PPIP5K2: variants seen among roughly 807,000 people sequenced by gnomAD.
PPIP5K2 encodes diphosphoinositol pentakisphosphate kinase 2.
A neutral mutation model predicts 154.6 loss-of-function variants in PPIP5K2; 105 were observed. That is an observed-to-expected ratio of 0.68 (90% CI 0.58 to 0.80). The LOEUF is 0.80. Among genes scored for constraint, PPIP5K2 ranks in the 30% least tolerant of loss-of-function variants. The pLI is 0.00. For missense variants in PPIP5K2, 992 were observed against 1,504.6 expected, an observed-to-expected ratio of 0.66 and a Z score of 5.64; for synonymous variants, 480 against 490.3, an observed-to-expected ratio of 0.98 and a Z score of 0.28.
At chr5:103,167,707 G>T (rs568102705) in intron 18 of PPIP5K2, among the ~76,000 whole-genome samples, 1 of 151,870 alleles carries the variant, frequency 6.6e-6, no homozygotes, top group Admixed American at 6.6e-5. Context: ...GGATCATTTG[G>T]ACTATTTTTA....
chr5:103,129,855 T>TA lies in PPIP5K2; in HGVS notation c.114+155dup, dbSNP rs1273366980. 3.5e-6 allele frequency: 4 copies of TA among 1,128,662 alleles called. No homozygotes were observed. The African/African-American group carries it at 6.4e-5, about 18-fold the overall frequency. 69.9% of individuals were successfully genotyped at this position (1,128,662 alleles called of 1,614,324 possible). On this transcript the variant is annotated intron_variant, in intron 2 of 30. Coordinates refer to ENST00000358359, the MANE Select transcript of PPIP5K2 (RefSeq NM_001276277.3). ...TGTTGTTGAATCTATGATGAATCAATAAATACAGTTATGGGTCAAACCTTT... is the reference window on the plus strand; with the variant it reads ...TGTTGTTGAATCTATGATGAATCAATAAAATACAGTTATGGGTCAAACCTTT...
chr5:103,136,665 C>A (rs1384312019), intron 3 of PPIP5K2, 67 bp from the exon 4 acceptor site: 17 of 1,262,068 alleles, frequency 1.3e-5, no homozygotes, highest in Non-Finnish European at 1.7e-5. Context: ...GGCATCAATT[C>A]AAGTTAATAA....
At chr5:103,185,513 A>G (rs1800218492) in intron 26 of PPIP5K2, among the ~76,000 whole-genome samples, 1 of 152,078 alleles carries the variant, frequency 6.6e-6, no homozygotes, top group Admixed American at 6.6e-5. Context: ...GATAGTTTTT[A>G]ATATTCCTAC....
rs1580209311 is a variant in PPIP5K2 at position 103,154,542 on chromosome 5, C to T, written c.1218-128C>T. The T allele has an allele frequency of 1.6e-5, 9 of 580,604 alleles. No individual in the cohort carries two copies. The East Asian group carries it at 2.7e-4, about 17-fold the overall frequency. The allele number at this position is 580,604 out of a possible 1,614,324, so 36.0% of individuals were successfully genotyped here. A position where few individuals can be genotyped will look rare whatever the true frequency, so the allele number is the denominator to read the frequency against. ...AACATGTACAGTGAAAGAGGAAACACAGTACTTGAAATCCTTAGATCCCAA... is the reference window on the plus strand; with the variant it reads ...AACATGTACAGTGAAAGAGGAAACATAGTACTTGAAATCCTTAGATCCCAA... On this transcript the variant is annotated intron_variant, in intron 11 of 30. Transcript: ENST00000358359.
At chr5:103,157,504 C>T (rs1048427669) in intron 14 of PPIP5K2, among the ~76,000 whole-genome samples, 9 of 151,974 alleles carry the variant, frequency 5.9e-5, no homozygotes, top group Admixed American at 1.3e-4. Context: ...TCTGGCCGGG[C>T]GCAGTGGCTC....
chr5:103,125,204 C>T (rs1789443993), intron 1 of PPIP5K2, among the ~76,000 whole-genome samples: 1 of 152,222 alleles, frequency 6.6e-6, no homozygotes, highest in Non-Finnish European at 1.5e-5. Context: ...ATTACCCGAA[C>T]TCTACTCTCA....
Position 103,136,268 on chromosome 5 carries a change from T to G in PPIP5K2, c.311-464T>G, listed in dbSNP as rs76928002. Reference sequence around the variant, plus strand: ...GATTATAGGCGTGTGCCCCCATGCCTGGCCCACTGTTTTTAAAGGCACATA... The same window carrying G: ...GATTATAGGCGTGTGCCCCCATGCCGGGCCCACTGTTTTTAAAGGCACATA... On this transcript the variant is annotated intron_variant, in intron 3 of 30. Coordinates refer to ENST00000358359, the MANE Select transcript of PPIP5K2 (RefSeq NM_001276277.3). 6.8e-3 allele frequency among the ~76,000 whole-genome samples: 1,037 copies of G among 152,312 alleles called. 7 individuals are homozygous for G. The highest frequency in any genetic ancestry group is 0.013 in the Non-Finnish European group (864 of 68,028).
intron 10 of PPIP5K2, among the ~76,000 whole-genome samples, chr5:103,153,269 G>A (rs1554211921): frequency 6.6e-6 from 1 of 151,672 alleles, no homozygotes; most frequent in African/African-American, 2.4e-5. Flanking sequence ...ACACGCAAGT[G>A]TTAAATAAAA....
intron 17 of PPIP5K2, among the ~76,000 whole-genome samples, chr5:103,166,955 G>A (rs1797222609): frequency 6.6e-6 from 1 of 151,826 alleles, no homozygotes; most frequent in Admixed American, 6.6e-5. Flanking sequence ...GGGGAGGCAG[G>A]AGAAACAGTA....
In PPIP5K2 at chr5:103,141,359, G is replaced by A. The variant is rs573790801; in HGVS notation, c.487+2890G>A. ...CAGGAGTGAAGCTGCAGACCTTCGC[G>A]GTGAGTGTTACAGCTCTTAAGGTAG... On this transcript the variant is annotated intron_variant, in intron 5 of 30. Transcript: ENST00000358359. Among the ~76,000 whole-genome samples, 7 of 152,196 alleles carry A rather than the reference G, an allele frequency of 4.6e-5. No homozygotes were observed. The East Asian group carries it at 1.2e-3, about 25-fold the overall frequency.
In PPIP5K2 at chr5:103,190,965, G is replaced by A. The variant is rs376054039; in HGVS notation, c.3476G>A (p.Arg1159Gln). The part of the protein sequence containing the change: ...SIASPSSDVP[R>Q]KTAEISSTAL... ...GCTTCTCCATCATCTGACGTTCCACGGAAGACCGCTGAAATTTGTAGGAAA... is the reference window on the plus strand; with the variant it reads ...GCTTCTCCATCATCTGACGTTCCACAGAAGACCGCTGAAATTTGTAGGAAA... The change falls in exon 29 of 31, where the codon CGG becomes CAG. Residue 1159 changes from arginine to glutamine, a missense_variant. Arg to Gln is a conservative substitution (Grantham distance 43). This residue lies in a region of PPIP5K2 where 131 missense variants were observed against 117.8 expected (regional missense o/e 1.11). Transcript: ENST00000358359. 44 of 1,604,304 alleles carry A rather than the reference G, an allele frequency of 2.7e-5. No homozygotes were observed. Among genetic ancestry groups the A allele is most frequent in the Admixed American group, 5.2e-5 (3 of 57,732 alleles).
rs551446905 is a variant in PPIP5K2, at chr5:103,203,685, A to C, written c.*2051A>C. ...TCCCAAAGAGGTGAACTAGCCCAGC[A>C]TGAAGAATTGTCTAGTCACCCTGAG... On this transcript the variant is annotated 3_prime_UTR_variant, in exon 31 of 31. Coordinates refer to ENST00000358359, the MANE Select transcript of PPIP5K2 (RefSeq NM_001276277.3). 3.3e-5 allele frequency: 5 copies of C among 152,314 alleles called. No homozygotes were observed. Among genetic ancestry groups the C allele is most frequent in the Non-Finnish European group, 5.9e-5 (4 of 68,026 alleles). 9.4% of individuals were successfully genotyped at this position (152,314 alleles called of 1,614,324 possible).
intron 24 of PPIP5K2, among the ~76,000 whole-genome samples, chr5:103,181,814 C>T (rs1235612717): frequency 1.3e-5 from 2 of 151,990 alleles, no homozygotes; most frequent in East Asian, 1.9e-4. Context: ...TTATGATTCT[C>T]AAATTTCAAA....
intron 17 of PPIP5K2, among the ~76,000 whole-genome samples, chr5:103,162,450 AC>A (rs1449898101): frequency 5.3e-5 from 8 of 151,160 alleles, no homozygotes; most frequent in Middle Eastern, 3.2e-3. Context: ...GTGGCCTGAA[AC>A]CCCTGGGCTC....
At position 103,203,938 on chromosome 5, in the gene PPIP5K2, T is replaced by C. The variant is rs1554231507; in HGVS notation, c.*2304T>C. The stretch of plus-strand genomic sequence containing the variant: ...CCTTATGTCAGTGATAGACAAGATA[T>C]AGAGGCTGAAGGGAATACAGTAAAG... On this transcript the variant is annotated 3_prime_UTR_variant, in exon 31 of 31. Coordinates refer to ENST00000358359, the MANE Select transcript of PPIP5K2 (RefSeq NM_001276277.3). 6.6e-6 allele frequency: 1 copy of C among 152,098 alleles called. No homozygotes were observed. The highest frequency in any genetic ancestry group is 1.5e-5 in the Non-Finnish European group (1 of 68,016). The allele number at this position is 152,098 out of a possible 1,614,324, so 9.4% of individuals were successfully genotyped here. A position where few individuals can be genotyped will look rare whatever the true frequency, so the allele number is the denominator to read the frequency against.
chr5:103,143,885 A>G (rs570219862), intron 5 of PPIP5K2, among the ~76,000 whole-genome samples: 3 of 152,334 alleles, frequency 2.0e-5, no homozygotes, highest in Admixed American at 2.0e-4. Flanking sequence ...CAAGACAAGG[A>G]TGTCTACTTT....
At chr5:103,130,492 C>A (rs976032030) in intron 2 of PPIP5K2, among the ~76,000 whole-genome samples, 16 of 152,024 alleles carry the variant, frequency 1.1e-4, no homozygotes, top group Admixed American at 9.2e-4. Context: ...ATAGTAAAAA[C>A]AAACCAAAAA....
intron 28 of PPIP5K2, among the ~76,000 whole-genome samples, chr5:103,190,593 C>A (rs1378726535): frequency 2.0e-5 from 3 of 151,394 alleles, no homozygotes; most frequent in Non-Finnish European, 2.9e-5. Context: ...TAGATTTTAC[C>A]AATATAGAAT....
chr5:103,191,338 C>T (rs1554226899), intron 29 of PPIP5K2, among the ~76,000 whole-genome samples: 1 of 152,018 alleles, frequency 6.6e-6, no homozygotes, highest in African/African-American at 2.4e-5. Context: ...TGCAAAATAT[C>T]AGTCCACATT....
Sources: allele counts gnomAD v4.1 joint callset (sites outside exome capture counted in the v4.1 genomes callset), GRCh38; gene constraint gnomAD v4.1.1; regional missense constraint gnomAD v4.1.1; transcripts MANE v1.5; gene names NCBI Gene and HGNC (gene_info 2026-07-23, HGNC 2026-07-21).